OSBPL3: variants seen among roughly 807,000 people sequenced by gnomAD.
The protein encoded by OSBPL3 is oxysterol binding protein like 3.
Under a neutral mutation model 120.1 loss-of-function variants are expected in OSBPL3, and 65 were observed. The observed-to-expected ratio is 0.54, with a 90% CI of 0.44 to 0.67. The LOEUF (loss-of-function observed/expected upper bound fraction) is 0.67, where lower values mean the gene tolerates loss of function less well. Ranked by LOEUF, OSBPL3 falls within the 30% of genes least tolerant of loss-of-function variation. The pLI is 0.00. For synonymous variants in OSBPL3, 416 were observed against 402.6 expected (o/e 1.03, Z -0.40); for missense variants, 1,004 against 1,082.1 (o/e 0.93, Z 1.01).
chr7:24,806,758 T>G lies in OSBPL3; in HGVS notation c.2444+18A>C. On this transcript the variant is annotated intron_variant, in intron 21 of 22. Transcript: ENST00000313367. The surrounding 1 kb of genome is among the most constrained non-coding windows in gnomAD (Gnocchi z 5.2). ...GGTTTTACATCTCTGGAGAGAAAAATCTTTAAAAAATCCTTACCTCTGGTC... is the reference window on the plus strand; with the variant it reads ...GGTTTTACATCTCTGGAGAGAAAAAGCTTTAAAAAATCCTTACCTCTGGTC... 6.2e-7 allele frequency: 1 copy of G among 1,611,218 alleles called. No homozygotes were observed. Among genetic ancestry groups the G allele is most frequent in the Non-Finnish European group, 8.5e-7 (1 of 1,178,728 alleles).
intron 16 of OSBPL3, among the ~76,000 whole-genome samples, chr7:24,826,337 C>G (rs1201772083): frequency 6.6e-6 from 1 of 152,212 alleles, no homozygotes; most frequent in Admixed American, 6.5e-5. Context: ...ACAGGAATGT[C>G]TATGACTCAC....
intron 1 of OSBPL3, among the ~76,000 whole-genome samples, chr7:24,927,606 G>T (rs1811221683): frequency 6.6e-6 from 1 of 152,212 alleles, no homozygotes; most frequent in African/African-American, 2.4e-5. Context: ...TGATGAAAAT[G>T]TGTATGGGTG....
At chr7:24,859,507 T>A (rs948745060) in intron 10 of OSBPL3, among the ~76,000 whole-genome samples, 1 of 152,190 alleles carries the variant, frequency 6.6e-6, no homozygotes, top group African/African-American at 2.4e-5. Context: ...CATTTTTACT[T>A]TACATTTTAT....
intron 12 of OSBPL3, among the ~76,000 whole-genome samples, chr7:24,845,559 T>G (rs1176890523): frequency 1.3e-5 from 2 of 151,708 alleles, no homozygotes; most frequent in Non-Finnish European, 2.9e-5. Flanking sequence ...AAAAACATTA[T>G]CATTGATTTA....
chr7:24,951,691 T>G (rs1027726106), intron 1 of OSBPL3, among the ~76,000 whole-genome samples: 24 of 152,192 alleles, frequency 1.6e-4, no homozygotes, highest in African/African-American at 5.8e-4. Context: ...GAAATATTCT[T>G]TCATTTTGTT....
rs976648077 is a variant in OSBPL3, at chr7:24,936,636, G to A, written c.-150+43250C>T. Among the ~76,000 whole-genome samples, 1 of 152,210 alleles carries A rather than the reference G, an allele frequency of 6.6e-6. No homozygotes were observed. Among genetic ancestry groups the A allele is most frequent in the African/African-American group, 2.4e-5 (1 of 41,438 alleles). ...TGGCAAAGAGAAAATGAAAATAGGGGAAAGAGTCACTCTAGTCACAGAGAC... is the reference window on the plus strand; with the variant it reads ...TGGCAAAGAGAAAATGAAAATAGGGAAAAGAGTCACTCTAGTCACAGAGAC... On this transcript the variant is annotated intron_variant, in intron 1 of 22. Coordinates refer to ENST00000313367, the MANE Select transcript of OSBPL3 (RefSeq NM_015550.4). This position sits in a 1 kb window ranked among gnomAD's most constrained non-coding sequence, Gnocchi z 4.2.
At chr7:24,810,910 T>G (rs561246386) in intron 19 of OSBPL3, among the ~76,000 whole-genome samples, 2 of 152,374 alleles carry the variant, frequency 1.3e-5, no homozygotes, top group East Asian at 3.9e-4. Context: ...TACCACATTT[T>G]CTTTATCCAT....
At chr7:24,893,991 T>C (rs1374816346) in intron 1 of OSBPL3, among the ~76,000 whole-genome samples, 2 of 152,128 alleles carry the variant, frequency 1.3e-5, no homozygotes, top group South Asian at 2.1e-4. Flanking sequence ...TACATACATA[T>C]ATATATATAT....
intron 1 of OSBPL3, among the ~76,000 whole-genome samples, chr7:24,905,051 G>A (rs958569183): frequency 1.3e-5 from 2 of 151,748 alleles, no homozygotes; most frequent in Non-Finnish European, 2.9e-5. Context: ...CTGGAGGACT[G>A]GTATCAGGAG....
chr7:24,863,216 G>A lies in OSBPL3; in HGVS notation c.854C>T (p.Ala285Val), dbSNP rs1430090566. 3.1e-6 allele frequency: 5 copies of A among 1,613,562 alleles called. No homozygotes were observed. In the Admixed American group the frequency reaches 8.3e-5, roughly 27 times the overall value. The stretch of plus-strand genomic sequence containing the variant: ...AATGGTTACCTGCAGTGTTCCTTTA[G>A]CATCTTTGCCAATAGCTCTGGACCG... ...RWRSRAIGKD[A>V]KGTLQVPKPF... Residue 285 changes from alanine to valine, a missense_variant, in exon 9 of 23, where the codon GCT becomes GTT. Physicochemically the swap from Ala to Val is moderately conservative, Grantham distance 64 (BLOSUM62 0). Coordinates refer to ENST00000313367, the MANE Select transcript of OSBPL3 (RefSeq NM_015550.4). The surrounding 1 kb of genome is among the most constrained non-coding windows in gnomAD (Gnocchi z 5.8).
chr7:24,904,918 G>GGGGTGTGTGT (rs376069147), intron 1 of OSBPL3, among the ~76,000 whole-genome samples: 3 of 132,860 alleles, frequency 2.3e-5, no homozygotes, highest in Non-Finnish European at 3.2e-5. Flanking sequence ...ATAATATACA[G>GGGGTGTGTGT]GTGTGTGTGT....
Position 24,898,624 on chromosome 7 carries a change from A to T in OSBPL3, c.-149-6003T>A, listed in dbSNP as rs1008857351. Among the ~76,000 whole-genome samples, 34 of 152,182 alleles carry T rather than the reference A, an allele frequency of 2.2e-4. No individual in the cohort carries two copies. The highest frequency in any genetic ancestry group is 2.2e-3 in the Admixed American group (34 of 15,278). On this transcript the variant is annotated intron_variant, in intron 1 of 22. Transcript: ENST00000313367. This position sits in a 1 kb window ranked among gnomAD's most constrained non-coding sequence, Gnocchi z 4.3. ...GAGCCCAATCCAGCAACAGAAATGC[A>T]CCTGGTGCATATTTGAAGCGTGCGG... is the stretch of plus-strand genomic sequence containing the variant.
rs1196392398 is a variant in OSBPL3, at chr7:24,817,994, A to C, written c.1949-1306T>G. Among the ~76,000 whole-genome samples, 2 of 152,188 alleles carry C rather than the reference A, an allele frequency of 1.3e-5. No homozygotes were observed. Among genetic ancestry groups the C allele is most frequent in the Admixed American group, 1.3e-4 (2 of 15,276 alleles). On this transcript the variant is annotated intron_variant, in intron 17 of 22. Coordinates refer to ENST00000313367, the MANE Select transcript of OSBPL3 (RefSeq NM_015550.4). The surrounding 1 kb of genome is among the most constrained non-coding windows in gnomAD (Gnocchi z 4.0). ...CAGATCACAGGGAAATCAGGGTTGA[A>C]GCAGGGGGGACAGTGGGGAGCCCTG...
rs1190690777 is a variant in OSBPL3 at position 24,805,924 on chromosome 7, G to A, written c.2444+852C>T. ...TTTATCTTTTGACCTTATATATATA[G>A]TTTTATTTATTTTGCCATAAAGAAG... On this transcript the variant is annotated intron_variant, in intron 21 of 22. Transcript: ENST00000313367. The surrounding 1 kb of genome is among the most constrained non-coding windows in gnomAD (Gnocchi z 4.0). 6.6e-6 allele frequency among the ~76,000 whole-genome samples: 1 copy of A among 152,088 alleles called. No homozygotes were observed. Among genetic ancestry groups the A allele is most frequent in the Admixed American group, 6.6e-5 (1 of 15,266 alleles).
At position 24,818,437 on chromosome 7, in the gene OSBPL3, G is replaced by GTA. The variant is rs1173725693; in HGVS notation, c.1948+1736_1948+1737dup. 3.9e-5 allele frequency among the ~76,000 whole-genome samples: 6 copies of GTA among 152,106 alleles called. No homozygotes were observed. The highest frequency in any genetic ancestry group is 7.3e-5 in the Non-Finnish European group (5 of 68,036). ...TATACAGAAGACGTATGAAAAAATA[G>GTA]TAGAGAGGTTGGGAAGGGAAAATGG... On this transcript the variant is annotated intron_variant, in intron 17 of 22. Transcript: ENST00000313367. This position sits in a 1 kb window ranked among gnomAD's most constrained non-coding sequence, Gnocchi z 4.0.
chr7:24,869,091 A>G (rs1801758658), intron 5 of OSBPL3, among the ~76,000 whole-genome samples: 1 of 152,190 alleles, frequency 6.6e-6, no homozygotes, highest in Non-Finnish European at 1.5e-5. Flanking sequence ...TCAGATAACT[A>G]CACTTACCTA....
chr7:24,826,187 A>G (rs1221201077), intron 16 of OSBPL3, among the ~76,000 whole-genome samples: 1 of 152,222 alleles, frequency 6.6e-6, no homozygotes, highest in Non-Finnish European at 1.5e-5. Flanking sequence ...TAGTCCCTGA[A>G]CAGTAAGGAA....
chr7:24,891,265 T>A lies in OSBPL3; in HGVS notation c.96+1112A>T, dbSNP rs1805310877. Among the ~76,000 whole-genome samples the A allele has an allele frequency of 2.6e-5, 4 of 152,054 alleles. No individual in the cohort carries two copies. The South Asian group carries it at 8.3e-4, about 32-fold the overall frequency. The stretch of plus-strand genomic sequence containing the variant: ...ACCGATGACAGTGCTGACAAAATTC[T>A]CCTTAACCCCTCAGGGGAGATCCTG... On this transcript the variant is annotated intron_variant, in intron 2 of 22. Coordinates refer to ENST00000313367, the MANE Select transcript of OSBPL3 (RefSeq NM_015550.4). This position sits in a 1 kb window ranked among gnomAD's most constrained non-coding sequence, Gnocchi z 4.1.
Position 24,831,034 on chromosome 7 carries a change from T to G in OSBPL3, c.1747-129A>C. On this transcript the variant is annotated intron_variant, in intron 15 of 22. Transcript: ENST00000313367. This position sits in a 1 kb window ranked among gnomAD's most constrained non-coding sequence, Gnocchi z 4.0. ...GCCAAAGATTTGTCTTTGGTTGTTT[T>G]TAAACAACATAGGTTTAAAATTGTA... 1.1e-6 allele frequency: 1 copy of G among 881,468 alleles called. No homozygotes were observed. The highest frequency in any genetic ancestry group is 1.6e-6 in the Non-Finnish European group (1 of 613,502). The allele number at this position is 881,468 out of a possible 1,614,324, so 54.6% of individuals were successfully genotyped here. A position where few individuals can be genotyped will look rare whatever the true frequency, so the allele number is the denominator to read the frequency against.
Sources: gnomAD v4.1 joint callset for allele counts (sites outside exome capture counted in the v4.1 genomes callset) on GRCh38, gnomAD v4.1.1 for gene constraint, Gnocchi (gnomAD v3.1) non-coding constraint, MANE v1.5 for transcripts, NCBI Gene and HGNC (gene_info 2026-07-23, HGNC 2026-07-21) for gene names.